Variants in HIGD1C observed in about 807,000 individuals in gnomAD.
HIGD1C encodes HIG1 domain family member 1C.
Under a neutral mutation model 13.1 loss-of-function variants are expected in HIGD1C, and 11 were observed. That is an observed-to-expected ratio of 0.84 (90% CI 0.53 to 1.39). HIGD1C has a LOEUF of 1.39. HIGD1C is among the 40% of genes most tolerant of loss of function. HIGD1C has a pLI of 0.00. For synonymous variants in HIGD1C, 36 were observed against 37.7 expected, an observed-to-expected ratio of 0.95 and a Z score of 0.17; for missense variants, 110 against 112.0, an observed-to-expected ratio of 0.98 and a Z score of 0.08.
upstream of HIGD1C, among the ~76,000 whole-genome samples, chr12:50,951,790 G>C (rs1389935770): frequency 6.6e-6 from 1 of 151,748 alleles, no homozygotes; most frequent in Non-Finnish European, 1.5e-5. Flanking sequence ...GGCGTGGTGT[G>C]GCGCTTCTAT....
chr12:50,960,963 C>T lies in HIGD1C; in HGVS notation c.95-5C>T. On this transcript the variant is annotated splice_region_variant and splice_polypyrimidine_tract_variant and intron_variant, in intron 1 of 2. Transcript: ENST00000398455. ...CCAAATAACCCATACTTTTAAAATT[C>T]ACAGGTATAGCAGGCTTTGTGACTG... 6.4e-7 allele frequency: 1 copy of T among 1,562,960 alleles called. No individual in the cohort carries two copies. Among genetic ancestry groups the T allele is most frequent in the Non-Finnish European group, 8.7e-7 (1 of 1,152,658 alleles).
At chr12:50,965,018 T>C (rs1939487418) in intron 2 of HIGD1C, among the ~76,000 whole-genome samples, 1 of 152,144 alleles carries the variant, frequency 6.6e-6, no homozygotes, top group South Asian at 2.1e-4. Flanking sequence ...CCATTGCATC[T>C]AGCCACTCTG....
At chr12:50,964,576 G>A (rs572654818) in intron 2 of HIGD1C, among the ~76,000 whole-genome samples, 8 of 152,314 alleles carry the variant, frequency 5.3e-5, no homozygotes, top group African/African-American at 1.9e-4. Flanking sequence ...ACTAGATTAT[G>A]ACATACGGCT....
chr12:50,954,392 T>G (rs1939011321), intron 1 of HIGD1C: 1 of 258,922 alleles, frequency 3.9e-6, no homozygotes, highest in Admixed American at 5.0e-5. Flanking sequence ...ATATTAACAT[T>G]TCAGTCATAA....
At chr12:50,946,497 T>C in the HIGD1C span, among the ~76,000 whole-genome samples, 2,051 of 152,202 alleles carry the variant, frequency 0.013, 46 homozygotes, top group African/African-American at 0.046. Flanking sequence ...TCATCACTGG[T>C]CATCAGAGAA....
chr12:50,944,990 T>C, the HIGD1C span, among the ~76,000 whole-genome samples: 1,302 of 152,224 alleles, frequency 8.6e-3, 22 homozygotes, highest in Non-Finnish European at 8.7e-3. Flanking sequence ...AAAAACCACA[T>C]GATTATCTCA....
At chr12:50,939,072 A>G in the HIGD1C span, among the ~76,000 whole-genome samples, 4 of 152,252 alleles carry the variant, frequency 2.6e-5, no homozygotes, top group East Asian at 3.9e-4. Flanking sequence ...GTTGGTCTCC[A>G]TACCTCCACA....
chr12:50,945,591 A>C, the HIGD1C span, among the ~76,000 whole-genome samples: 2 of 152,208 alleles, frequency 1.3e-5, no homozygotes, highest in African/African-American at 4.8e-5. Context: ...GGACACAAAC[A>C]AATGGAAGAA....
At chr12:50,954,148 C>A in intron 1 of HIGD1C, 56 bp downstream of exon 3, 3 of 1,027,612 alleles carry the variant, frequency 2.9e-6, no homozygotes, top group Non-Finnish European at 4.5e-6. Flanking sequence ...TGATGCCTTA[C>A]CCAGTGCCTT....
At position 50,961,092 on chromosome 12, in the gene HIGD1C, T is replaced by C. The variant is rs761754672; in HGVS notation, c.219T>C (p.Ala73=). Reference sequence around the variant, plus strand: ...CTGCCCAAGGATTTGTTGTTGGAGCTGTGACTCTAGGTAACCCGCTTAATT... The same window carrying C: ...CTGCCCAAGGATTTGTTGTTGGAGCCGTGACTCTAGGTAACCCGCTTAATT... The change falls in exon 2 of 3, where the codon GCT becomes GCC. Residue 73 remains alanine, a synonymous_variant. Coordinates refer to ENST00000398455, the Ensembl canonical transcript of HIGD1C. The C allele has an allele frequency of 3.7e-6, 6 of 1,613,808 alleles. No homozygotes were observed. The Admixed American group carries it at 1.0e-4, about 27-fold the overall frequency.
At chr12:50,963,815 T>C (rs1046882484) in intron 2 of HIGD1C, among the ~76,000 whole-genome samples, 5 of 152,190 alleles carry the variant, frequency 3.3e-5, no homozygotes, top group African/African-American at 7.2e-5. Flanking sequence ...TTCTGGAAAA[T>C]GCAGTTACAG....
chr12:50,970,092 T>C (rs1939707923), intron 2 of HIGD1C, among the ~76,000 whole-genome samples: 2 of 152,168 alleles, frequency 1.3e-5, no homozygotes. Flanking sequence ...TTCCTCGGGA[T>C]ACTGAGTACA....
At chr12:50,968,547 C>A (rs1433659536) in intron 2 of HIGD1C, among the ~76,000 whole-genome samples, 1 of 151,678 alleles carries the variant, frequency 6.6e-6, no homozygotes, top group Non-Finnish European at 1.5e-5. Context: ...CCACCATGCC[C>A]AGCTAATTTT....
At chr12:50,961,145 A>T (rs1373746505) in intron 2 of HIGD1C, 43 bp downstream of exon 4, 1 of 1,594,748 alleles carries the variant, frequency 6.3e-7, no homozygotes, top group Admixed American at 1.7e-5. Context: ...TGTCTTTGAG[A>T]GTACATTTAT....
At chr12:50,968,100 A>AG (rs1217263426) in intron 2 of HIGD1C, among the ~76,000 whole-genome samples, 11 of 148,174 alleles carry the variant, frequency 7.4e-5, no homozygotes, top group Non-Finnish European at 1.4e-4. Flanking sequence ...AATAAGAAGA[A>AG]GAAGGAGGAG....
the HIGD1C span, among the ~76,000 whole-genome samples, chr12:50,936,281 CTATT>C: frequency 6.6e-6 from 1 of 151,918 alleles, no homozygotes; most frequent in Non-Finnish European, 1.5e-5. Context: ...ATGCAAGGCA[CTATT>C]TATTTATAGA....
chr12:50,960,849 A>T, intron 1 of HIGD1C, 119 bp from the exon 4 acceptor site: 73 of 653,424 alleles, frequency 1.1e-4, no homozygotes, highest in Non-Finnish European at 1.4e-4. Context: ...TGTGTGGCTA[A>T]TTTTTTTTTT....
the HIGD1C span, among the ~76,000 whole-genome samples, chr12:50,940,428 A>G: frequency 2.6e-5 from 4 of 152,230 alleles, no homozygotes; most frequent in South Asian, 2.1e-4. Flanking sequence ...CTAAAAAAGC[A>G]AAGGCTTGGC....
chr12:50,971,851 A>G (rs1939770213), downstream of HIGD1C, among the ~76,000 whole-genome samples: 1 of 152,252 alleles, frequency 6.6e-6, no homozygotes, highest in African/African-American at 2.4e-5. Context: ...ATGTAAGAAT[A>G]TATGAAAATA....
Sources: allele counts gnomAD v4.1 joint callset (sites outside exome capture counted in the v4.1 genomes callset), GRCh38; gene constraint gnomAD v4.1.1; transcripts MANE v1.5; gene names NCBI Gene and HGNC (gene_info 2026-07-23, HGNC 2026-07-21).